The following CWC25 variants were observed in gnomAD, a reference collection of about 807,000 sequenced individuals.
The protein encoded by CWC25 is pre-mRNA-splicing factor CWC25 homolog.
In CWC25, 31 loss-of-function variants were observed where a neutral mutation model predicts 54.6. That is an observed-to-expected ratio of 0.57 (90% CI 0.43 to 0.77). CWC25 has a LOEUF of 0.77. CWC25 is among the 30% of genes least tolerant of loss of function. The pLI is 0.00. For synonymous variants in CWC25, 151 were observed against 187.0 expected, an observed-to-expected ratio of 0.81 and a Z score of 1.57; for missense variants, 453 against 529.3, an observed-to-expected ratio of 0.86 and a Z score of 1.41.
intron 2 of CWC25, among the ~76,000 whole-genome samples, chr17:38,820,423 C>T (rs1037469028): frequency 2.6e-5 from 4 of 151,964 alleles, no homozygotes; most frequent in East Asian, 1.9e-4. Flanking sequence ...TGGCATTGGC[C>T]GTAATCACTC....
intron 8 of CWC25, among the ~76,000 whole-genome samples, chr17:38,803,733 TAAA>T (rs35237821): frequency 2.8e-5 from 4 of 141,992 alleles, no homozygotes; most frequent in Non-Finnish European, 6.2e-5. Context: ...GTAGGAGGCT[TAAA>T]AAAAAAAAAC....
chr17:38,815,985 C>G (rs1043562712), intron 2 of CWC25, among the ~76,000 whole-genome samples: 5 of 152,108 alleles, frequency 3.3e-5, no homozygotes, highest in Non-Finnish European at 5.9e-5. Flanking sequence ...CTGGGTTTCA[C>G]AAGTGAATAA....
rs1394721370 is a variant in CWC25 at position 38,800,708 on chromosome 17, A to G, written c.*1384T>C. On this transcript the variant is annotated 3_prime_UTR_variant, in exon 10 of 10. Transcript: ENST00000614790. ...AGAGGGCCTAGGAGTTCACTGGTCA[A>G]ATGAGGGCTTCTGGTGAAAGAATAG... 6.6e-6 allele frequency: 1 copy of G among 152,216 alleles called. No individual in the cohort carries two copies. Among genetic ancestry groups the G allele is most frequent in the East Asian group, 1.9e-4 (1 of 5,202 alleles). 9.4% of individuals were successfully genotyped at this position (152,216 alleles called of 1,614,324 possible).
chr17:38,811,999 C>T (rs796287723), intron 4 of CWC25, among the ~76,000 whole-genome samples: 2 of 151,330 alleles, frequency 1.3e-5, no homozygotes, highest in African/African-American at 2.4e-5. Context: ...AGTGCAATGG[C>T]GCAATCTTGG....
chr17:38,804,212 A>G (rs1911137178), intron 8 of CWC25, among the ~76,000 whole-genome samples: 1 of 152,178 alleles, frequency 6.6e-6, no homozygotes, highest in East Asian at 1.9e-4. Flanking sequence ...GAAAAGTATC[A>G]GTAAACAATA....
chr17:38,824,969 C>A (rs1010360017), intron 1 of CWC25, among the ~76,000 whole-genome samples, 197 bp downstream of exon 1: 7 of 152,198 alleles, frequency 4.6e-5, no homozygotes, highest in Non-Finnish European at 7.3e-5. Context: ...CTGTTCGCGA[C>A]ACACCTCGGA....
chr17:38,805,870 T>C (rs1024588382), intron 8 of CWC25, among the ~76,000 whole-genome samples: 1 of 152,016 alleles, frequency 6.6e-6, no homozygotes, highest in Non-Finnish European at 1.5e-5. Flanking sequence ...TGCTGTGCAG[T>C]GGTGAGATCT....
chr17:38,810,180 C>G, intron 5 of CWC25: 1 of 451,078 alleles, frequency 2.2e-6, no homozygotes, highest in East Asian at 3.7e-5. Context: ...GAAACAGAGT[C>G]ACCCCCAGGA....
intron 3 of CWC25, among the ~76,000 whole-genome samples, chr17:38,814,353 G>A (rs1188226935): frequency 2.7e-5 from 4 of 147,928 alleles, no homozygotes; most frequent in South Asian, 4.3e-4. Context: ...GCGTGATCTC[G>A]GCTCACTGCA....
At chr17:38,812,112 T>A (rs990547524) in intron 4 of CWC25, among the ~76,000 whole-genome samples, 1 of 151,968 alleles carries the variant, frequency 6.6e-6, no homozygotes, top group Admixed American at 6.6e-5. Context: ...TAATTTTGAA[T>A]TTTTAGTAGA....
At chr17:38,820,291 T>C (rs1019376482) in intron 2 of CWC25, among the ~76,000 whole-genome samples, 1 of 152,202 alleles carries the variant, frequency 6.6e-6, no homozygotes, top group African/African-American at 2.4e-5. Context: ...GCATATTGTA[T>C]GCTTTTTATT....
chr17:38,825,069 G>C (rs1383729055), intron 1 of CWC25, 97 bp downstream of exon 1: 1 of 1,148,966 alleles, frequency 8.7e-7, no homozygotes, highest in Non-Finnish European at 1.2e-6. Context: ...AAGCAAAGCT[G>C]CGTTGCCATG....
intron 8 of CWC25, among the ~76,000 whole-genome samples, chr17:38,803,917 C>A (rs1911127311): frequency 6.6e-6 from 1 of 151,574 alleles, no homozygotes; most frequent in African/African-American, 2.4e-5. Flanking sequence ...CATGGTGGCA[C>A]CCGTGTAGCC....
At chr17:38,802,627 C>T (rs922866493) in intron 9 of CWC25, 73 bp downstream of exon 9, 43 of 1,550,792 alleles carry the variant, frequency 2.8e-5, no homozygotes, top group Admixed American at 5.4e-5. Context: ...AACACTGGAA[C>T]GGGAACCAGC....
rs767152352 is a variant in CWC25 at position 38,810,556 on chromosome 17, T to C, written c.538A>G (p.Lys180Glu). ...TTCTTGTGCTTCTTTTTCTTCTCCT[T>C]CTTTTTCTTCTTCTCCTTTTTTTCC... ...SLEKKEKKKK[K>E]EKKKKHKKHK... Residue 180 changes from lysine (K) to glutamate (E), a missense_variant, in exon 5 of 10, where the codon AAG (lysine) becomes GAG (glutamate). Around this residue, in one of 2 missense-constraint regions of CWC25, gnomAD observed 444 missense variants for 499.2 expected, o/e 0.89. Coordinates refer to ENST00000614790, the MANE Select transcript of CWC25 (RefSeq NM_017748.5). 2.6e-6 allele frequency: 4 copies of C among 1,564,670 alleles called. No homozygotes were observed. In the African/African-American group the frequency reaches 4.0e-5, roughly 16 times the overall value.
chr17:38,806,390 T>C lies in CWC25; in HGVS notation c.908A>G (p.Asn303Ser). ...SRSPRPSKLH[N>S]SKVNRRETGQ... ...TGTCTCTCTCCTGTTCACCTTAGAG[T>C]TGTGCCTGTAGCAGACACAGAAGGC... is the stretch of plus-strand genomic sequence containing the variant. The change falls in exon 8 of 10, where the codon AAC becomes AGC. Residue 303 changes from asparagine (N) to serine (S), a missense_variant. By Grantham distance (46) the Asn-to-Ser change is conservative. This residue lies in a region of CWC25 where 444 missense variants were observed against 499.2 expected (regional missense o/e 0.89). Coordinates refer to ENST00000614790, the MANE Select transcript of CWC25 (RefSeq NM_017748.5). 1 of 1,613,320 alleles carries C rather than the reference T, an allele frequency of 6.2e-7. No homozygotes were observed. The highest frequency in any genetic ancestry group is 8.5e-7 in the Non-Finnish European group (1 of 1,179,648).
chr17:38,806,927 T>C lies in CWC25; in HGVS notation c.740A>G (p.Glu247Gly). Residue 247 changes from glutamate to glycine, a missense_variant, in exon 7 of 10, where the codon GAG (glutamate) becomes GGG (glycine). By Grantham distance (98) the Glu-to-Gly change is moderately conservative. This residue lies in a region of CWC25 where 444 missense variants were observed against 499.2 expected (regional missense o/e 0.89). Coordinates refer to ENST00000614790, the MANE Select transcript of CWC25 (RefSeq NM_017748.5). Reference protein sequence around the residue: ...NQGLQGPLTAEQKRGHGMKNH... With the variant: ...NQGLQGPLTAGQKRGHGMKNH... ...CTTCATCCCATGCCCTCTCTTTTGC[T>C]CTGCTGTCAGAGGACCCTGAAGACC... 6.2e-7 allele frequency: 1 copy of C among 1,613,942 alleles called. No individual in the cohort carries two copies. The highest frequency in any genetic ancestry group is 8.5e-7 in the Non-Finnish European group (1 of 1,179,884).
In CWC25 at chr17:38,807,913, G is replaced by A. The variant is rs1341038254; in HGVS notation, c.691-937C>T. 8.0e-5 allele frequency among the ~76,000 whole-genome samples: 11 copies of A among 138,028 alleles called. 2 individuals are homozygous for A. In the East Asian group the frequency reaches 2.4e-3, roughly 30 times the overall value. The allele number at this position is 138,028 out of a possible 152,430, so 90.6% of individuals were successfully genotyped here. A position where few individuals can be genotyped will look rare whatever the true frequency, so the allele number is the denominator to read the frequency against. ...CTCTACTAAAAATACAAAATAATTA[G>A]CTGGGCATGGTGGGCACCTGTAGTC... is the stretch of plus-strand genomic sequence containing the variant. On this transcript the variant is annotated intron_variant, in intron 6 of 9. Coordinates refer to ENST00000614790, the MANE Select transcript of CWC25 (RefSeq NM_017748.5).
intron 2 of CWC25, among the ~76,000 whole-genome samples, chr17:38,816,833 T>TG (rs1911717478): frequency 6.6e-6 from 1 of 151,810 alleles, no homozygotes; most frequent in Non-Finnish European, 1.5e-5. Context: ...TATAGGCATG[T>TG]GTCACCAAGA....
Sources: gnomAD v4.1 joint callset for allele counts (sites outside exome capture counted in the v4.1 genomes callset) on GRCh38, gnomAD v4.1.1 for gene constraint, gnomAD v4.1.1 regional missense constraint, MANE v1.5 for transcripts, NCBI Gene and HGNC (gene_info 2026-07-23, HGNC 2026-07-21) for gene names.